The following NLGN4X variants were observed in gnomAD, a reference collection of about 807,000 sequenced individuals.
The protein encoded by NLGN4X is neuroligin 4 X-linked.
NLGN4X carries 3 observed loss-of-function variants against 40.3 expected under a neutral mutation model. That is an observed-to-expected ratio of 0.07 (90% CI 0.03 to 0.19). NLGN4X has a LOEUF of 0.19. Among genes scored for constraint, NLGN4X ranks in the 10% least tolerant of loss-of-function variants. The pLI, the probability that NLGN4X is intolerant of heterozygous loss-of-function variation, is 1.00. For synonymous variants in NLGN4X, 270 were observed against 306.8 expected (o/e 0.88, Z 1.25); for missense variants, 382 against 708.3 (o/e 0.54, Z 5.23).
intron 1 of NLGN4X, among the ~76,000 whole-genome samples, chrX:6,191,573 G>A (rs1922540946): frequency 9.0e-6 from 1 of 110,946 alleles, no homozygotes; most frequent in African/African-American, 3.3e-5. Flanking sequence ...AAATTAGCTG[G>A]GTGGGAAGGA....
At chrX:5,995,083 T>C (rs2035785231) in intron 3 of NLGN4X, among the ~76,000 whole-genome samples, 1 of 112,469 alleles carries the variant, frequency 8.9e-6, no homozygotes, top group Non-Finnish European at 1.9e-5. Flanking sequence ...CTCTAATGAA[T>C]GAGTCAATAC....
At chrX:6,216,705 T>C (rs1925119430) in intron 1 of NLGN4X, among the ~76,000 whole-genome samples, 1 of 112,544 alleles carries the variant, frequency 8.9e-6, no homozygotes, top group Non-Finnish European at 1.9e-5. Context: ...TTAAAGTCAA[T>C]AGAGAAAAGG....
chrX:5,939,283 T>C (rs1368465657), intron 3 of NLGN4X, among the ~76,000 whole-genome samples: 9 of 110,512 alleles, frequency 8.1e-5, no homozygotes, highest in East Asian at 2.8e-4. Flanking sequence ...ATATTTAATA[T>C]AATAAATGTC....
At chrX:6,226,454 G>T (rs1201628267) in intron 1 of NLGN4X, among the ~76,000 whole-genome samples, 33 of 111,068 alleles carry the variant, frequency 3.0e-4, no homozygotes, top group African/African-American at 1.0e-3. Flanking sequence ...GCAAGGGTTG[G>T]CCTGACCCCC....
Position 6,111,812 on chromosome X carries a change from CA to C in NLGN4X, c.472+39182del. ...CCCAGTCTAAGGTATTTTGTTATAG[CA>C]GCCTCGACAGACTAAAAAATATCCC... is the stretch of plus-strand genomic sequence containing the variant. On this transcript the variant is annotated intron_variant, in intron 2 of 5. Transcript: ENST00000381095. Among the ~76,000 whole-genome samples, 3 of 111,457 alleles carry C rather than the reference CA, an allele frequency of 2.7e-5. No individual in the cohort carries two copies. In the Middle Eastern group the frequency reaches 0.014, roughly 516 times the overall value.
chrX:6,150,929 C>G (rs2040150202), intron 2 of NLGN4X, 66 bp downstream of exon 2: 1 of 912,232 alleles, frequency 1.1e-6, no homozygotes, highest in South Asian at 2.0e-5. Flanking sequence ...ATTATAAAAC[C>G]CTCCTAGCAA....
chrX:6,095,098 CGTGCGTGTGTGTGTGTGTGT>C (rs1312933587), intron 2 of NLGN4X, among the ~76,000 whole-genome samples: 401 of 22,256 alleles, frequency 0.018, 1 homozygote, highest in Non-Finnish European at 0.025. Context: ...TAAGTACGTG[CGTGCGTGTGTGTGTGTGTGT>C]GTGTGTGTGT....
At chrX:5,975,777 T>TA (rs1293818982) in intron 3 of NLGN4X, among the ~76,000 whole-genome samples, 1 of 110,606 alleles carries the variant, frequency 9.0e-6, no homozygotes. Flanking sequence ...AAAAATAAAA[T>TA]AAAAAAATAA....
chrX:6,210,516 T>C (rs934457233), intron 1 of NLGN4X, among the ~76,000 whole-genome samples: 8 of 111,557 alleles, frequency 7.2e-5, no homozygotes, highest in Non-Finnish European at 1.5e-4. Flanking sequence ...TGAGATATAC[T>C]GAGTCCAAAG....
chrX:6,219,588 CTT>C (rs1326011099), intron 1 of NLGN4X, among the ~76,000 whole-genome samples: 336 of 102,578 alleles, frequency 3.3e-3, no homozygotes, highest in Admixed American at 6.5e-3. Context: ...TCCTTCCTTC[CTT>C]CTTTCCTTCC....
intron 1 of NLGN4X, among the ~76,000 whole-genome samples, chrX:6,197,917 T>A (rs1923263094): frequency 9.2e-6 from 1 of 108,693 alleles, no homozygotes; most frequent in African/African-American, 3.4e-5. Flanking sequence ...ATACAAAAAT[T>A]AGCGAGGTTT....
At position 5,955,411 on chromosome X, in the gene NLGN4X, T is replaced by C. The variant is rs142102277; in HGVS notation, c.626-46172A>G. Among the ~76,000 whole-genome samples, 964 of 112,030 alleles carry C rather than the reference T, an allele frequency of 8.6e-3. 10 individuals are homozygous for C. Among genetic ancestry groups the C allele is most frequent in the African/African-American group, 0.03 (930 of 30,869 alleles). On this transcript the variant is annotated intron_variant, in intron 3 of 5. Coordinates refer to ENST00000381095, the MANE Select transcript of NLGN4X (RefSeq NM_181332.3). ...ACGTATCTGACCATAAAAAGAAATA[T>C]ATTCTTTAGAAAGTAAAGTTTCTTT...
chrX:5,916,446 T>C (rs1419165253), intron 3 of NLGN4X, among the ~76,000 whole-genome samples: 1 of 111,075 alleles, frequency 9.0e-6, no homozygotes, highest in Non-Finnish European at 1.9e-5. Flanking sequence ...TATTTTATTT[T>C]ATATTTTTAT....
At chrX:5,949,287 G>A (rs1176230247) in intron 3 of NLGN4X, among the ~76,000 whole-genome samples, 4 of 112,023 alleles carry the variant, frequency 3.6e-5, no homozygotes, top group Admixed American at 9.5e-5. Flanking sequence ...CAATAGATAT[G>A]GAAGAGCACA....
chrX:6,219,380 T>C (rs1556012958), intron 1 of NLGN4X, among the ~76,000 whole-genome samples: 1 of 48,675 alleles, frequency 2.1e-5, no homozygotes, highest in Admixed American at 2.2e-4. Flanking sequence ...CTTCTTTCTT[T>C]CCTTCCTTCT....
intron 2 of NLGN4X, among the ~76,000 whole-genome samples, chrX:6,041,332 T>C (rs1225575904): frequency 9.0e-6 from 1 of 111,432 alleles, no homozygotes; most frequent in Admixed American, 9.6e-5. Context: ...TAAATAAAGG[T>C]GGTTTGAGAT....
intron 3 of NLGN4X, among the ~76,000 whole-genome samples, chrX:5,960,690 C>T (rs1189386183): frequency 4.5e-5 from 5 of 111,122 alleles, no homozygotes; most frequent in Admixed American, 9.6e-5. Context: ...TTCCTTAACC[C>T]GAAAGAAAAC....
intron 1 of NLGN4X, among the ~76,000 whole-genome samples, chrX:6,214,176 TG>T (rs1349977443): frequency 9.0e-6 from 1 of 111,466 alleles, no homozygotes; most frequent in Non-Finnish European, 1.9e-5. Context: ...AGGAGTGGAG[TG>T]GGCTTTTGTC....
chrX:6,009,516 GT>G (rs1326714737), intron 3 of NLGN4X, among the ~76,000 whole-genome samples: 2 of 112,413 alleles, frequency 1.8e-5, no homozygotes, highest in African/African-American at 6.5e-5. Context: ...TATTGAGAAT[GT>G]CAACAATTGA....
Sources: gnomAD v4.1 joint callset for allele counts (sites outside exome capture counted in the v4.1 genomes callset) on GRCh38, gnomAD v4.1.1 for gene constraint, MANE v1.5 for transcripts, NCBI Gene and HGNC (gene_info 2026-07-23, HGNC 2026-07-21) for gene names.